CPPED1: variants seen among roughly 807,000 people sequenced by gnomAD.
CPPED1 encodes the protein serine/threonine-protein phosphatase CPPED1.
In CPPED1, 28 loss-of-function variants were observed where a neutral mutation model predicts 28.0. That is an observed-to-expected ratio of 1.00 (90% CI 0.74 to 1.37). The LOEUF (loss-of-function observed/expected upper bound fraction) is 1.37. Ranked by LOEUF, CPPED1 falls within the 40% of genes most tolerant of loss-of-function variation. The pLI is 0.00. For missense variants in CPPED1, 504 were observed against 416.5 expected (o/e 1.21, Z -1.83); for synonymous variants, 198 against 180.2 (o/e 1.10, Z -0.79).
intron 2 of CPPED1, among the ~76,000 whole-genome samples, chr16:12,748,156 GA>G (rs2080303258): frequency 6.6e-6 from 1 of 152,176 alleles, no homozygotes; most frequent in African/African-American, 2.4e-5. Flanking sequence ...TAACAAAGGA[GA>G]AAGCTCACTC....
chr16:12,717,993 C>T (rs1384416824), intron 2 of CPPED1, among the ~76,000 whole-genome samples: 1 of 152,188 alleles, frequency 6.6e-6, no homozygotes, highest in Non-Finnish European at 1.5e-5. Flanking sequence ...CAAGTCCCAT[C>T]TGGGTTAACC....
intron 1 of CPPED1, among the ~76,000 whole-genome samples, chr16:12,788,991 T>C (rs1320654272): frequency 6.6e-6 from 1 of 152,196 alleles, no homozygotes; most frequent in Non-Finnish European, 1.5e-5. Context: ...TCGACGTCTG[T>C]GGATGAGGTC....
rs560633865 is a variant in CPPED1, at chr16:12,755,569, T to C, written c.289+25616A>G. Reference sequence around the variant, plus strand: ...ACATGCTAGGATTACAGGCATGAACTACCACACCCTGCCTCAATATGTATC... The same window carrying C: ...ACATGCTAGGATTACAGGCATGAACCACCACACCCTGCCTCAATATGTATC... On this transcript the variant is annotated intron_variant, in intron 2 of 3. Transcript: ENST00000381774. 2.1e-4 allele frequency among the ~76,000 whole-genome samples: 30 copies of C among 140,298 alleles called. No homozygotes were observed. In the East Asian group the frequency reaches 5.6e-3, roughly 26 times the overall value. 92.0% of individuals were successfully genotyped at this position (140,298 alleles called of 152,430 possible).
rs1358115362 is a variant in CPPED1 at position 12,704,986 on chromosome 16, G to C, written c.353C>G (p.Ala118Gly). 1.2e-6 allele frequency: 2 copies of C among 1,614,088 alleles called. No homozygotes were observed. The highest frequency in any genetic ancestry group is 2.2e-5 in the South Asian group (2 of 91,094). ...LKRVLRAVDR[A>G]IPLVLVSGNH... ...GCCGCTGACAAGGACCAGTGGGATG[G>C]CCCTGTCCACTGCCCTAAGCACTCG... Residue 118 changes from alanine to glycine, a missense_variant, in exon 3 of 4, where the codon GCC becomes GGC. Coordinates refer to ENST00000381774, the MANE Select transcript of CPPED1 (RefSeq NM_018340.3).
chr16:12,785,248 G>GT (rs1016801144), intron 1 of CPPED1, among the ~76,000 whole-genome samples: 7 of 152,012 alleles, frequency 4.6e-5, no homozygotes, highest in African/African-American at 9.7e-5. Flanking sequence ...AGTGAATTGT[G>GT]TTTTTTTAAT....
chr16:12,739,317 C>T (rs554710815), intron 2 of CPPED1, among the ~76,000 whole-genome samples: 5 of 152,260 alleles, frequency 3.3e-5, no homozygotes, highest in East Asian at 1.9e-4. Flanking sequence ...CAGTGGCTCA[C>T]GCCTGTAATC....
chr16:12,705,700 G>C (rs1049149438), intron 2 of CPPED1, among the ~76,000 whole-genome samples: 5 of 152,204 alleles, frequency 3.3e-5, no homozygotes, highest in African/African-American at 1.2e-4. Flanking sequence ...AGAGGTTGCA[G>C]TAAGCCAAGA....
At chr16:12,732,274 A>C (rs2080202249) in intron 2 of CPPED1, among the ~76,000 whole-genome samples, 1 of 152,092 alleles carries the variant, frequency 6.6e-6, no homozygotes, top group South Asian at 2.1e-4. Flanking sequence ...CTATGGTAGC[A>C]AAAATGAAAA....
chr16:12,778,888 A>T (rs1442223966), intron 2 of CPPED1, among the ~76,000 whole-genome samples: 2 of 152,214 alleles, frequency 1.3e-5, no homozygotes, highest in African/African-American at 4.8e-5. Context: ...ATTCTGCTTG[A>T]GTTGCACTGC....
At chr16:12,728,574 G>A (rs544994460) in intron 2 of CPPED1, among the ~76,000 whole-genome samples, 1 of 152,106 alleles carries the variant, frequency 6.6e-6, no homozygotes, top group Admixed American at 6.5e-5. Context: ...GAATATACTA[G>A]CGATCACTCA....
intron 2 of CPPED1, among the ~76,000 whole-genome samples, chr16:12,740,552 G>A (rs1038983372): frequency 1.3e-5 from 2 of 151,970 alleles, no homozygotes; most frequent in African/African-American, 2.4e-5. Flanking sequence ...GGAGTTTACC[G>A]TCTACTGGGG....
intron 2 of CPPED1, among the ~76,000 whole-genome samples, chr16:12,777,382 G>C (rs1205072871): frequency 1.3e-5 from 2 of 152,288 alleles, no homozygotes; most frequent in Non-Finnish European, 2.9e-5. Context: ...ATCTAACAAG[G>C]CTTCTGGGGA....
At chr16:12,745,989 T>C (rs1222868478) in intron 2 of CPPED1, 1 of 151,958 alleles carries the variant, frequency 6.6e-6, no homozygotes, top group African/African-American at 2.4e-5. Flanking sequence ...GTAAGAATTG[T>C]AGCAGTTTCT....
At chr16:12,722,546 G>C (rs2080147010) in intron 2 of CPPED1, among the ~76,000 whole-genome samples, 1 of 152,222 alleles carries the variant, frequency 6.6e-6, no homozygotes, top group Non-Finnish European at 1.5e-5. Context: ...AGACCAGCCT[G>C]GGCAACACGG....
chr16:12,743,742 ACCTGTAATT>A (rs2080268281), intron 2 of CPPED1, among the ~76,000 whole-genome samples: 1 of 152,164 alleles, frequency 6.6e-6, no homozygotes, highest in Non-Finnish European at 1.5e-5. Flanking sequence ...GGTGGCTCAC[ACCTGTAATT>A]CCAGCACTTT....
chr16:12,702,948 G>C (rs1239340746), intron 3 of CPPED1, among the ~76,000 whole-genome samples: 5 of 149,820 alleles, frequency 3.3e-5, no homozygotes, highest in African/African-American at 9.8e-5. Context: ...GGAGACAGAG[G>C]TTGCAGTGAG....
intron 2 of CPPED1, among the ~76,000 whole-genome samples, chr16:12,758,596 G>A (rs565971342): frequency 1.3e-5 from 2 of 152,228 alleles, no homozygotes; most frequent in South Asian, 2.1e-4. Flanking sequence ...ACTGACCAAG[G>A]CACTATTTTC....
chr16:12,782,006 C>T (rs2080534621), intron 1 of CPPED1, among the ~76,000 whole-genome samples: 1 of 151,988 alleles, frequency 6.6e-6, no homozygotes, highest in Non-Finnish European at 1.5e-5. Flanking sequence ...TCGATGCTAA[C>T]ATTTCAAAGG....
chr16:12,673,352 C>A (rs2079862294), intron 3 of CPPED1, among the ~76,000 whole-genome samples: 1 of 152,206 alleles, frequency 6.6e-6, no homozygotes, highest in South Asian at 2.1e-4. Flanking sequence ...AAGCACTTAG[C>A]ATTATTATTT....
Sources: allele counts gnomAD v4.1 joint callset (sites outside exome capture counted in the v4.1 genomes callset), GRCh38; gene constraint gnomAD v4.1.1; transcripts MANE v1.5; gene names NCBI Gene and HGNC (gene_info 2026-07-23, HGNC 2026-07-21).